SASH1: variants seen among roughly 807,000 people sequenced by gnomAD.
The protein encoded by SASH1 is SAM and SH3 domain-containing protein 1.
A neutral mutation model predicts 125.2 loss-of-function variants in SASH1; 44 were observed. That is an observed-to-expected ratio of 0.35 (90% CI 0.28 to 0.45). The LOEUF is 0.45. SASH1 is among the 20% of genes least tolerant of loss of function. The pLI is 1.00. For synonymous variants in SASH1, 639 were observed against 649.1 expected, an observed-to-expected ratio of 0.98 and a Z score of 0.24; for missense variants, 1,426 against 1,614.5, an observed-to-expected ratio of 0.88 and a Z score of 2.00.
At chr6:148,298,203 G>A (rs1000977505) in intron 1 of SASH1, among the ~76,000 whole-genome samples, 2 of 151,918 alleles carry the variant, frequency 1.3e-5, no homozygotes, top group African/African-American at 4.8e-5. Context: ...AGTGGAGATG[G>A]GGTGTCACCA....
chr6:148,364,371 ACACT>A (rs1215795904), intron 1 of SASH1, among the ~76,000 whole-genome samples: 1 of 152,170 alleles, frequency 6.6e-6, no homozygotes, highest in East Asian at 1.9e-4. Flanking sequence ...GGGGACACAC[ACACT>A]CACCATTAGC....
the SASH1 span, among the ~76,000 whole-genome samples, chr6:148,243,178 C>T: frequency 3.3e-5 from 5 of 152,078 alleles, no homozygotes; most frequent in Non-Finnish European, 5.9e-5. Context: ...TGGCCAGGCA[C>T]GGTGGCTCAT....
At chr6:148,294,626 G>A (rs1307219700) in intron 1 of SASH1, among the ~76,000 whole-genome samples, 2 of 152,166 alleles carry the variant, frequency 1.3e-5, no homozygotes, top group Non-Finnish European at 2.9e-5. Flanking sequence ...AAGCCTGCAT[G>A]AGGCCTGGAA....
rs190336293 is a variant in SASH1, at chr6:148,293,007, G to A, written n.74+20630G>A. Among the ~76,000 whole-genome samples, 295 of 151,356 alleles carry A rather than the reference G, an allele frequency of 1.9e-3. 1 individual carries two copies. The highest frequency in any genetic ancestry group is 3.0e-3 in the Non-Finnish European group (204 of 67,902). ...TTGGAGGTTGCAATGAGTCGAGATC[G>A]CACCACCCACTGTACTCCAGCCTGG... On this transcript the variant is annotated intron_variant and non_coding_transcript_variant, in intron 1 of 3. Transcript: ENST00000367469.
chr6:148,383,077 G>T (rs932880693), intron 1 of SASH1, among the ~76,000 whole-genome samples: 1 of 152,216 alleles, frequency 6.6e-6, no homozygotes, highest in African/African-American at 2.4e-5. Context: ...CGACGACGAC[G>T]TGGCAGGAAG....
rs117344775 is a variant in SASH1 at position 148,450,625 on chromosome 6, C to T, written c.386+10218C>T. Among the ~76,000 whole-genome samples the T allele has an allele frequency of 1.0e-3, 159 of 151,784 alleles. 2 individuals carry two copies. In the East Asian group the frequency reaches 0.031, roughly 29 times the overall value. On this transcript the variant is annotated intron_variant, in intron 4 of 19. Transcript: ENST00000367467. The stretch of plus-strand genomic sequence containing the variant: ...ATATCATCATTGTTGTTAACATCAT[C>T]ATAACGTGGCTTCTCGGGTGATGTC...
intron 1 of SASH1, chr6:148,379,940 C>T (rs1375848977): frequency 2.2e-6 from 1 of 456,522 alleles, no homozygotes; most frequent in Admixed American, 2.3e-5. Context: ...TAAAGCAAGT[C>T]CTGGATATCG....
At chr6:148,279,055 G>C (rs556570798) in intron 1 of SASH1, among the ~76,000 whole-genome samples, 7 of 151,570 alleles carry the variant, frequency 4.6e-5, no homozygotes, top group Admixed American at 3.9e-4. Context: ...GCAGTGGTGC[G>C]ATCTCAGCTC....
rs144312032 is a variant in SASH1 at position 148,324,906 on chromosome 6, C to T, written n.74+52529C>T. Among the ~76,000 whole-genome samples the T allele has an allele frequency of 8.4e-3, 1,279 of 152,276 alleles. 15 individuals are homozygous for T. Among genetic ancestry groups the T allele is most frequent in the African/African-American group, 0.029 (1,221 of 41,540 alleles). On this transcript the variant is annotated intron_variant and non_coding_transcript_variant, in intron 1 of 3. Coordinates refer to the SASH1 transcript ENST00000367469. The stretch of plus-strand genomic sequence containing the variant: ...CGATGCCTCTGCTGCCATCAGGCAG[C>T]CTCCAAATCAGGAAGCCAGTGCTGT...
chr6:148,222,753 GT>G, the SASH1 span, among the ~76,000 whole-genome samples: 3 of 150,042 alleles, frequency 2.0e-5, no homozygotes, highest in Non-Finnish European at 4.4e-5. Context: ...TGTGTTTTAG[GT>G]TTTTTCCCCC....
At chr6:148,394,702 T>C (rs1173601601) in intron 2 of SASH1, among the ~76,000 whole-genome samples, 1 of 152,138 alleles carries the variant, frequency 6.6e-6, no homozygotes, top group East Asian at 1.9e-4. Context: ...TGGTGTGCAT[T>C]GGCGCAATCT....
chr6:148,309,085 A>C (rs1780224545), intron 1 of SASH1, among the ~76,000 whole-genome samples: 1 of 18,934 alleles, frequency 5.3e-5, no homozygotes, highest in Non-Finnish European at 1.0e-4. Flanking sequence ...CTCTGTCTCC[A>C]AAAAAAAAAA....
At chr6:148,278,193 G>A (rs1293474339) in intron 1 of SASH1, among the ~76,000 whole-genome samples, 1 of 151,860 alleles carries the variant, frequency 6.6e-6, no homozygotes, top group Non-Finnish European at 1.5e-5. Context: ...CCGCCACCAT[G>A]CCCGGCTAAT....
At chr6:148,308,709 TTAAAG>T (rs78846677) in intron 1 of SASH1, among the ~76,000 whole-genome samples, 40,266 of 150,578 alleles carry the variant, frequency 0.27, 5,531 homozygotes, top group South Asian at 0.35. Flanking sequence ...TAGGAGCTTT[TTAAAG>T]TATTTTCTGC....
At chr6:148,267,402 G>GTGTGT (rs1778973743), upstream of SASH1, among the ~76,000 whole-genome samples, 1 of 46,722 alleles carries the variant, frequency 2.1e-5, no homozygotes, top group African/African-American at 9.4e-5. Context: ...TGTGTGAGAT[G>GTGTGT]GAGTCTCACT....
intron 1 of SASH1, among the ~76,000 whole-genome samples, chr6:148,303,693 G>A (rs1191896641): frequency 1.3e-5 from 2 of 151,780 alleles, no homozygotes; most frequent in African/African-American, 4.8e-5. Flanking sequence ...TACTCAGGAG[G>A]CTGAGGCAGG....
chr6:148,545,221 C>A (rs1049195648), intron 18 of SASH1, among the ~76,000 whole-genome samples: 4 of 151,570 alleles, frequency 2.6e-5, no homozygotes, highest in East Asian at 1.9e-4. Context: ...ATTTCTCATT[C>A]AAAAAAAATG....
chr6:148,463,147 A>ATT (rs202197858), intron 4 of SASH1, among the ~76,000 whole-genome samples: 3 of 145,044 alleles, frequency 2.1e-5, no homozygotes, highest in Admixed American at 1.4e-4. Flanking sequence ...CTGCAATATA[A>ATT]TTTTTTTTTT....
At chr6:148,447,993 A>T (rs1298334317) in intron 4 of SASH1, among the ~76,000 whole-genome samples, 1 of 151,820 alleles carries the variant, frequency 6.6e-6, no homozygotes, top group Non-Finnish European at 1.5e-5. Context: ...TCAATCTTAA[A>T]ACCTCAGCTC....
Sources: allele counts gnomAD v4.1 joint callset (sites outside exome capture counted in the v4.1 genomes callset), GRCh38; gene constraint gnomAD v4.1.1; transcripts MANE v1.5; gene names NCBI Gene and HGNC (gene_info 2026-07-23, HGNC 2026-07-21).